PRMT8: variants seen among roughly 807,000 people sequenced by gnomAD.
PRMT8 encodes protein arginine N-methyltransferase 8.
PRMT8 carries 7 observed loss-of-function variants against 47.1 expected under a neutral mutation model. The ratio of observed to expected loss-of-function variants is 0.15; its 90% CI spans 0.08 to 0.28. The LOEUF (loss-of-function observed/expected upper bound fraction) is 0.28, where lower values mean the gene tolerates loss of function less well. Among genes scored for constraint, PRMT8 ranks in the 10% least tolerant of loss-of-function variants. The probability of loss-of-function intolerance (pLI) is 1.00; values close to 1 mark genes in which losing one functional copy is unlikely to be tolerated. For synonymous variants in PRMT8, 188 were observed against 186.5 expected (o/e 1.01, Z -0.07); for missense variants, 237 against 505.4 (o/e 0.47, Z 5.09).
intron 1 of PRMT8, among the ~76,000 whole-genome samples, chr12:3,474,037 T>C (rs2137097033): frequency 6.6e-6 from 1 of 152,340 alleles, no homozygotes; most frequent in Non-Finnish European, 1.5e-5. Context: ...GGTTTGTGGA[T>C]TCCCCCAGTC....
chr12:3,396,556 C>T (rs977712024), intron 1 of PRMT8, among the ~76,000 whole-genome samples: 1 of 152,348 alleles, frequency 6.6e-6, no homozygotes, highest in Admixed American at 6.5e-5. Context: ...TCTCTTCTGG[C>T]TTGTAGAGTT....
rs111667949 is a variant in PRMT8 at position 3,543,922 on chromosome 12, G to A, written c.261+3131G>A. On this transcript the variant is annotated intron_variant, in intron 2 of 9. Coordinates refer to ENST00000382622, the MANE Select transcript of PRMT8 (RefSeq NM_019854.5). Reference sequence around the variant, plus strand: ...TGAAATCTCAGCGTCTCTAACAGTCGGCACTGGGCTTGGTGCCTCAGCCAC... The same window carrying A: ...TGAAATCTCAGCGTCTCTAACAGTCAGCACTGGGCTTGGTGCCTCAGCCAC... 1.3e-3 allele frequency among the ~76,000 whole-genome samples: 196 copies of A among 152,252 alleles called. 1 individual carries two copies. Among genetic ancestry groups the A allele is most frequent in the African/African-American group, 4.3e-3 (179 of 41,550 alleles).
intron 1 of PRMT8, chr12:3,469,021 G>A: frequency 2.7e-6 from 1 of 368,120 alleles, no homozygotes; most frequent in Non-Finnish European, 5.2e-6. Context: ...TTCACTGCAT[G>A]AACTGTGCAC....
chr12:3,433,617 A>ATT (rs879451814), intron 1 of PRMT8, among the ~76,000 whole-genome samples: 38 of 146,740 alleles, frequency 2.6e-4, no homozygotes, highest in African/African-American at 9.2e-4. Context: ...TAGTGACAAG[A>ATT]TTTTTTTTTT....
upstream of PRMT8, among the ~76,000 whole-genome samples, chr12:3,487,745 T>C (rs1187165925): frequency 6.6e-6 from 1 of 152,226 alleles, no homozygotes; most frequent in Non-Finnish European, 1.5e-5. Flanking sequence ...CAAGAACCTG[T>C]GAGTTAGAGA....
At chr12:3,512,163 A>C (rs1462031735) in intron 1 of PRMT8, among the ~76,000 whole-genome samples, 1 of 152,106 alleles carries the variant, frequency 6.6e-6, no homozygotes, top group Non-Finnish European at 1.5e-5. Flanking sequence ...AGCCAGCTAC[A>C]CTAGACACTG....
At chr12:3,490,515 G>C (rs1236377405), upstream of PRMT8, among the ~76,000 whole-genome samples, 1 of 149,124 alleles carries the variant, frequency 6.7e-6, no homozygotes, top group Non-Finnish European at 1.5e-5. Flanking sequence ...AGAGAAATGC[G>C]TGGGCAGGGG....
chr12:3,582,068 A>G (rs1488358409), intron 7 of PRMT8, among the ~76,000 whole-genome samples: 1 of 152,298 alleles, frequency 6.6e-6, no homozygotes, highest in East Asian at 1.9e-4. Flanking sequence ...TGGCTCTTAC[A>G]GAGTTTTCAG....
In PRMT8 at chr12:3,576,811, G is replaced by A; in HGVS notation, c.713-60G>A. ...GCACGCTGTGCTCTAGGACTCAGGA[G>A]GGTTGGGTGAGCTTCTGGGGGTCCT... is the stretch of plus-strand genomic sequence containing the variant. On this transcript the variant is annotated intron_variant, in intron 6 of 9. Coordinates refer to ENST00000382622, the MANE Select transcript of PRMT8 (RefSeq NM_019854.5). This position sits in a 1 kb window ranked among gnomAD's most constrained non-coding sequence, Gnocchi z 4.0. 2.2e-6 allele frequency: 3 copies of A among 1,353,170 alleles called. No homozygotes were observed. Among genetic ancestry groups the A allele is most frequent in the South Asian group, 1.2e-5 (1 of 82,978 alleles). The allele number at this position is 1,353,170 out of a possible 1,614,324, so 83.8% of individuals were successfully genotyped here.
rs371354950 is a variant in PRMT8, at chr12:3,588,397, CT to C, written c.980-3831del. 9.2e-4 allele frequency among the ~76,000 whole-genome samples: 140 copies of C among 152,338 alleles called. 1 individual carries two copies. The highest frequency in any genetic ancestry group is 3.2e-3 in the African/African-American group (135 of 41,580). On this transcript the variant is annotated intron_variant, in intron 8 of 9. Transcript: ENST00000382622. Reference sequence around the variant, plus strand: ...GAGATGGGAAGCAGGATTCCATTCCCTTTCCAAAAGCACCAGGAAAACTCTG... The same window carrying C: ...GAGATGGGAAGCAGGATTCCATTCCCTTCCAAAAGCACCAGGAAAACTCTG...
chr12:3,475,649 C>T (rs1454137899), intron 1 of PRMT8, among the ~76,000 whole-genome samples: 1 of 152,126 alleles, frequency 6.6e-6, no homozygotes, highest in South Asian at 2.1e-4. Flanking sequence ...TGGTCTGTAA[C>T]AGAAGTGGAG....
intron 8 of PRMT8, among the ~76,000 whole-genome samples, chr12:3,586,097 T>C (rs1867166614): frequency 1.3e-5 from 2 of 152,136 alleles, no homozygotes; most frequent in Admixed American, 6.5e-5. Flanking sequence ...CTCTCAGCCA[T>C]AGTTTTATTT....
At chr12:3,448,696 C>T (rs1864884384) in intron 1 of PRMT8, among the ~76,000 whole-genome samples, 1 of 152,092 alleles carries the variant, frequency 6.6e-6, no homozygotes, top group South Asian at 2.1e-4. Flanking sequence ...TAAATGAAAA[C>T]CACCGTTTTT....
intron 1 of PRMT8, among the ~76,000 whole-genome samples, chr12:3,469,786 C>A (rs1376858630): frequency 2.0e-5 from 3 of 152,066 alleles, no homozygotes; most frequent in Non-Finnish European, 4.4e-5. Context: ...AGCCTGATAG[C>A]AAGAGAGGAT....
intron 1 of PRMT8, among the ~76,000 whole-genome samples, chr12:3,523,060 C>G (rs1004314704): frequency 1.2e-4 from 18 of 152,086 alleles, no homozygotes; most frequent in African/African-American, 3.9e-4. Context: ...CCTCCACCCC[C>G]CAAACCATAA....
Position 3,569,674 on chromosome 12 carries a change from T to A in PRMT8, c.712+110T>A. 1 of 871,224 alleles carries A rather than the reference T, an allele frequency of 1.1e-6. No homozygotes were observed. The highest frequency in any genetic ancestry group is 1.9e-6 in the Non-Finnish European group (1 of 513,718). The allele number at this position is 871,224 out of a possible 1,614,324, so 54.0% of individuals were successfully genotyped here. ...GTGACATGAACACCATTGCTGTCCC[T>A]GAAGAGGAGCTTATCTGGGACCCTT... On this transcript the variant is annotated intron_variant, in intron 6 of 9. Coordinates refer to ENST00000382622, the MANE Select transcript of PRMT8 (RefSeq NM_019854.5). The surrounding 1 kb of genome is among the most constrained non-coding windows in gnomAD (Gnocchi z 8.2).
intron 1 of PRMT8, among the ~76,000 whole-genome samples, chr12:3,399,263 G>A (rs1172240089): frequency 6.6e-6 from 1 of 152,176 alleles, no homozygotes; most frequent in Non-Finnish European, 1.5e-5. Context: ...AGATGCAGAT[G>A]AGCAACCCTT....
At chr12:3,401,671 A>T (rs1453517770) in intron 1 of PRMT8, among the ~76,000 whole-genome samples, 1 of 152,182 alleles carries the variant, frequency 6.6e-6, no homozygotes, top group Non-Finnish European at 1.5e-5. Flanking sequence ...TAGCATTCTT[A>T]TACGCCAACA....
intron 1 of PRMT8, among the ~76,000 whole-genome samples, chr12:3,435,181 C>G (rs1031894313): frequency 6.6e-6 from 1 of 151,846 alleles, no homozygotes; most frequent in Non-Finnish European, 1.5e-5. Context: ...GTTGGCCAGG[C>G]TGGTCTCAAA....
Sources: gnomAD v4.1 joint callset for allele counts (sites outside exome capture counted in the v4.1 genomes callset) on GRCh38, gnomAD v4.1.1 for gene constraint, Gnocchi (gnomAD v3.1) non-coding constraint, MANE v1.5 for transcripts, NCBI Gene and HGNC (gene_info 2026-07-23, HGNC 2026-07-21) for gene names.